Variants in SUCLG2 observed in about 807,000 individuals in gnomAD.
The protein encoded by SUCLG2 is succinate--CoA ligase [GDP-forming] subunit beta, mitochondrial.
A neutral mutation model predicts 47.9 loss-of-function variants in SUCLG2; 42 were observed. The ratio of observed to expected loss-of-function variants is 0.88; its 90% CI spans 0.69 to 1.14. SUCLG2 has a LOEUF of 1.14. SUCLG2 is among the 50% of genes most tolerant of loss of function. SUCLG2 has a pLI of 0.00. For missense variants in SUCLG2, 571 were observed against 525.9 expected (o/e 1.09, Z -0.84); for synonymous variants, 195 against 197.3 (o/e 0.99, Z 0.10).
intron 4 of SUCLG2, among the ~76,000 whole-genome samples, chr3:67,521,857 T>G (rs1706116323): frequency 6.6e-6 from 1 of 151,872 alleles, no homozygotes; most frequent in Non-Finnish European, 1.5e-5. Context: ...TGACTTCAAG[T>G]ATCTACCTGC....
chr3:67,496,057 A>G (rs2107061349), intron 8 of SUCLG2, 117 bp from the exon 9 acceptor site: 1 of 1,255,126 alleles, frequency 8.0e-7, no homozygotes, highest in South Asian at 1.4e-5. Flanking sequence ...AGGCCAATTT[A>G]TATCCTGTTT....
intron 1 of SUCLG2, among the ~76,000 whole-genome samples, chr3:67,616,726 T>C (rs1211453609): frequency 6.6e-6 from 1 of 152,184 alleles, no homozygotes; most frequent in Non-Finnish European, 1.5e-5. Context: ...CTTACTTAAA[T>C]GTAGCAGGGT....
intron 7 of SUCLG2, among the ~76,000 whole-genome samples, chr3:67,501,809 T>A (rs1360153940): frequency 6.6e-6 from 1 of 152,046 alleles, no homozygotes; most frequent in Non-Finnish European, 1.5e-5. Context: ...ACCTGTGGAG[T>A]ACAGGGAAGC....
At chr3:67,380,292 C>G (rs72916792) in intron 10 of SUCLG2, among the ~76,000 whole-genome samples, 34 of 151,794 alleles carry the variant, frequency 2.2e-4, no homozygotes, top group Non-Finnish European at 4.1e-4. Flanking sequence ...CAAGCTGTTA[C>G]CACTTCTCCC....
chr3:67,615,109 C>G (rs151311520), intron 1 of SUCLG2, among the ~76,000 whole-genome samples: 2 of 151,882 alleles, frequency 1.3e-5, no homozygotes, highest in Non-Finnish European at 1.5e-5. Flanking sequence ...ATTTAAGGGC[C>G]TATGGGAACA....
At chr3:67,393,330 T>A (rs1702439137) in intron 10 of SUCLG2, among the ~76,000 whole-genome samples, 1 of 152,250 alleles carries the variant, frequency 6.6e-6, no homozygotes, top group Non-Finnish European at 1.5e-5. Context: ...ATACTGCGCT[T>A]TTCCGACGGG....
At chr3:67,363,386 G>C (rs1180267643) in intron 10 of SUCLG2, among the ~76,000 whole-genome samples, 1 of 152,184 alleles carries the variant, frequency 6.6e-6, no homozygotes. Context: ...TATTCAAGTA[G>C]AGAGCATGTT....
intron 10 of SUCLG2, among the ~76,000 whole-genome samples, chr3:67,398,217 A>G (rs1575669657): frequency 6.6e-6 from 1 of 150,588 alleles, no homozygotes; most frequent in East Asian, 2.0e-4. Flanking sequence ...AGAAACTACC[A>G]TCAGAGTGAA....
chr3:67,588,590 T>C (rs544013721), intron 2 of SUCLG2, among the ~76,000 whole-genome samples: 5 of 152,310 alleles, frequency 3.3e-5, no homozygotes, highest in Admixed American at 6.5e-5. Flanking sequence ...ATGAAGACAT[T>C]TGGCACCTAA....
chr3:67,654,608 G>T lies in SUCLG2; in HGVS notation c.-22C>A. On this transcript the variant is annotated 5_prime_UTR_variant, in exon 1 of 11. Coordinates refer to ENST00000307227, the MANE Select transcript of SUCLG2 (RefSeq NM_003848.4). ...CCATCTTAAACAGGAAACTCGGCAC[G>T]GGGCAGTAGGGCGGGCGCGGGCAGG... 6 of 1,261,038 alleles carry T rather than the reference G, an allele frequency of 4.8e-6. No homozygotes were observed. Among genetic ancestry groups the T allele is most frequent in the Non-Finnish European group, 5.0e-6 (5 of 1,000,966 alleles). The allele number at this position is 1,261,038 out of a possible 1,614,324, so 78.1% of individuals were successfully genotyped here. A position where few individuals can be genotyped will look rare whatever the true frequency, so the allele number is the denominator to read the frequency against.
At chr3:67,383,438 A>G (rs573609329) in intron 10 of SUCLG2, among the ~76,000 whole-genome samples, 38 of 152,204 alleles carry the variant, frequency 2.5e-4, no homozygotes, top group Non-Finnish European at 7.3e-5. Flanking sequence ...TTGTACCCCT[A>G]ACATTTTATG....
At chr3:67,467,582 T>G (rs1250833451) in intron 9 of SUCLG2, among the ~76,000 whole-genome samples, 1 of 152,226 alleles carries the variant, frequency 6.6e-6, no homozygotes, top group African/African-American at 2.4e-5. Context: ...GGATATCCTT[T>G]AAAGAGATTA....
At chr3:67,432,931 T>C (rs1703523085) in intron 9 of SUCLG2, among the ~76,000 whole-genome samples, 2 of 152,242 alleles carry the variant, frequency 1.3e-5, no homozygotes, top group Admixed American at 1.3e-4. Flanking sequence ...CTCCATACTC[T>C]TTTATTGGAT....
intron 1 of SUCLG2, among the ~76,000 whole-genome samples, chr3:67,624,772 A>G (rs749189960): frequency 1.6e-4 from 24 of 152,202 alleles, no homozygotes; most frequent in Non-Finnish European, 3.2e-4. Context: ...GATATCATGA[A>G]AAGGAAACTT....
rs149852321 is a variant in SUCLG2, at chr3:67,641,843, G to A, written c.84+12660C>T. ...AGGGTTGGTTTCTTCTGAGGGCTGT[G>A]AGGGAGAATCTGGTCCATGCCTCTC... is the stretch of plus-strand genomic sequence containing the variant. On this transcript the variant is annotated intron_variant, in intron 1 of 10. Coordinates refer to ENST00000307227, the MANE Select transcript of SUCLG2 (RefSeq NM_003848.4). 4.0e-3 allele frequency among the ~76,000 whole-genome samples: 613 copies of A among 152,308 alleles called. 3 individuals carry two copies. The highest frequency in any genetic ancestry group is 0.014 in the African/African-American group (563 of 41,566).
chr3:67,397,378 AACAG>A (rs1331053994), intron 10 of SUCLG2, among the ~76,000 whole-genome samples: 1 of 151,500 alleles, frequency 6.6e-6, no homozygotes, highest in Non-Finnish European at 1.5e-5. Context: ...ATACACCAAT[AACAG>A]ACAGAGAGCC....
At chr3:67,508,460 G>A (rs1705698175) in intron 7 of SUCLG2, among the ~76,000 whole-genome samples, 1 of 152,194 alleles carries the variant, frequency 6.6e-6, no homozygotes, top group East Asian at 1.9e-4. Flanking sequence ...TGTAGAGACA[G>A]GGTCTCAATA....
chr3:67,505,855 G>A (rs904118436), intron 7 of SUCLG2, among the ~76,000 whole-genome samples: 13 of 152,056 alleles, frequency 8.5e-5, no homozygotes, highest in African/African-American at 1.7e-4. Context: ...CCAGATACTC[G>A]GGAGGCTGAC....
At chr3:67,520,692 A>T (rs1250742528) in intron 4 of SUCLG2, 58 bp from the exon 5 acceptor site, 1 of 1,546,996 alleles carries the variant, frequency 6.5e-7, no homozygotes, top group Non-Finnish European at 8.7e-7. Context: ...TCTACTTGGA[A>T]ATCTATACAA....
Sources: gnomAD v4.1 joint callset for allele counts (sites outside exome capture counted in the v4.1 genomes callset) on GRCh38, gnomAD v4.1.1 for gene constraint, MANE v1.5 for transcripts, NCBI Gene and HGNC (gene_info 2026-07-23, HGNC 2026-07-21) for gene names.